ERCC6L2: variants seen among roughly 807,000 people sequenced by gnomAD.
ERCC6L2 encodes ERCC excision repair 6 like 2.
A neutral mutation model predicts 132.0 loss-of-function variants in ERCC6L2; 77 were observed. The ratio of observed to expected loss-of-function variants is 0.58; its 90% CI spans 0.49 to 0.71. The LOEUF (loss-of-function observed/expected upper bound fraction) is 0.71. Among genes scored for constraint, ERCC6L2 ranks in the 30% least tolerant of loss-of-function variants. ERCC6L2 has a pLI of 0.00. For missense variants in ERCC6L2, 1,542 were observed against 1,837.6 expected (o/e 0.84, Z 2.94); for synonymous variants, 583 against 632.4 (o/e 0.92, Z 1.17).
At position 96,004,534 on chromosome 9, in the gene ERCC6L2, AGTG is replaced by A. The variant is rs1184409839; in HGVS notation, c.3509_3511del (p.Val1170del). 1 of 1,304,044 alleles carries A rather than the reference AGTG, an allele frequency of 7.7e-7. No homozygotes were observed. Among genetic ancestry groups the A allele is most frequent in the Non-Finnish European group, 1.0e-6 (1 of 988,674 alleles). The allele number at this position is 1,304,044 out of a possible 1,614,324, so 80.8% of individuals were successfully genotyped here. ...CTTTTTTTCAGACATATAAAGAAAA[AGTG>A]GATGCAGATACATTGCCACACACAA... On this transcript the variant is annotated inframe_deletion, in exon 18 of 19. Transcript: ENST00000653738.
At chr9:95,923,119 T>C in intron 8 of ERCC6L2, 141 bp from the exon 9 acceptor site, 6 of 904,998 alleles carry the variant, frequency 6.6e-6, no homozygotes, top group Non-Finnish European at 8.0e-6. Flanking sequence ...GTTTTTGAAT[T>C]CTTAGTCTGA....
chr9:96,013,029 C>T lies in ERCC6L2; in HGVS notation c.4479C>T (p.Leu1493=). The T allele has an allele frequency of 7.3e-7, 1 of 1,367,584 alleles. No individual in the cohort carries two copies. Among genetic ancestry groups the T allele is most frequent in the Non-Finnish European group, 9.8e-7 (1 of 1,021,804 alleles). 84.7% of individuals were successfully genotyped at this position (1,367,584 alleles called of 1,614,324 possible). Residue 1493 remains leucine (L), a synonymous_variant, in exon 19 of 19, where the codon CTC becomes CTT. Coordinates refer to ENST00000653738, the MANE Select transcript of ERCC6L2 (RefSeq NM_020207.7). The part of the protein sequence containing the change: ...NEQNDESLSK[L]TDLAVIETLC... Reference sequence around the variant, plus strand: ...AGAATGATGAGAGTCTTAGTAAACTCACAGACTTGGCAGTAATAGAGACTC... The same window carrying T: ...AGAATGATGAGAGTCTTAGTAAACTTACAGACTTGGCAGTAATAGAGACTC...
At chr9:95,981,339 T>G (rs749281673) in intron 17 of ERCC6L2, among the ~76,000 whole-genome samples, 1 of 152,194 alleles carries the variant, frequency 6.6e-6, no homozygotes, top group African/African-American at 2.4e-5. Context: ...AATTCAACCA[T>G]GTATCTTAAA....
chr9:95,961,869 A>G (rs976209687), intron 13 of ERCC6L2, among the ~76,000 whole-genome samples: 6 of 152,152 alleles, frequency 3.9e-5, no homozygotes, highest in Non-Finnish European at 5.9e-5. Flanking sequence ...GAGGCAGGCA[A>G]AGAGAATGAG....
Position 96,013,009 on chromosome 9 carries a change from G to T in ERCC6L2, c.4459G>T (p.Asp1487Tyr), listed in dbSNP as rs1230768937. The T allele has an allele frequency of 7.3e-7, 1 of 1,367,586 alleles. No homozygotes were observed. The highest frequency in any genetic ancestry group is 9.8e-7 in the Non-Finnish European group (1 of 1,021,804). 84.7% of individuals were successfully genotyped at this position (1,367,586 alleles called of 1,614,324 possible). A position where few individuals can be genotyped will look rare whatever the true frequency, so the allele number is the denominator to read the frequency against. Residue 1487 changes from aspartate to tyrosine, a missense_variant, in exon 19 of 19, where the codon GAT becomes TAT. Asp to Tyr is a radical substitution (Grantham distance 160). Coordinates refer to ENST00000653738, the MANE Select transcript of ERCC6L2 (RefSeq NM_020207.7). ...CTGGGACATCTTGAATGAGCAGAAT[G>T]ATGAGAGTCTTAGTAAACTCACAGA... ...DFWDILNEQN[D>Y]ESLSKLTDLA...
At chr9:95,987,961 T>C (rs2133147421) in intron 17 of ERCC6L2, among the ~76,000 whole-genome samples, 1 of 152,342 alleles carries the variant, frequency 6.6e-6, no homozygotes, top group South Asian at 2.1e-4. Flanking sequence ...ACGTGGAAGC[T>C]GCCAAGGCTT....
At chr9:95,989,439 C>G (rs1272208282) in intron 17 of ERCC6L2, among the ~76,000 whole-genome samples, 1 of 152,224 alleles carries the variant, frequency 6.6e-6, no homozygotes, top group Non-Finnish European at 1.5e-5. Context: ...TGCCAGGAAG[C>G]TGGGACAAAG....
chr9:95,909,943 A>G (rs1053784348), intron 4 of ERCC6L2, among the ~76,000 whole-genome samples: 2 of 152,132 alleles, frequency 1.3e-5, no homozygotes, highest in African/African-American at 2.4e-5. Context: ...AACGTTTGGT[A>G]TTGTCAGTCT....
intron 9 of ERCC6L2, among the ~76,000 whole-genome samples, chr9:95,927,715 T>G (rs1042141948): frequency 6.6e-6 from 1 of 152,198 alleles, no homozygotes; most frequent in Admixed American, 6.5e-5. Context: ...AAAGGAATGC[T>G]GCTCTATAAT....
Position 95,978,060 on chromosome 9 carries a change from G to C in ERCC6L2, c.3338-1G>C. On this transcript the variant is annotated splice_acceptor_variant, in intron 16 of 18. Transcript: ENST00000653738. LOFTEE classifies it high-confidence loss of function. ...CTTAATAAACATAAATTACCTCCTA[G>C]ATGGCGTTCAGGAAGTGGCTTATAT... 2.9e-6 allele frequency: 4 copies of C among 1,363,338 alleles called. No individual in the cohort carries two copies. Among genetic ancestry groups the C allele is most frequent in the Non-Finnish European group, 3.9e-6 (4 of 1,020,092 alleles). 84.5% of individuals were successfully genotyped at this position (1,363,338 alleles called of 1,614,324 possible). A position where few individuals can be genotyped will look rare whatever the true frequency, so the allele number is the denominator to read the frequency against.
At chr9:96,019,644 T>TA (rs1834250139), downstream of ERCC6L2, 1 of 152,500 alleles carries the variant, frequency 6.6e-6, no homozygotes, top group Non-Finnish European at 1.5e-5. Context: ...TGGGACCTCC[T>TA]AACTCCCTCA....
intron 17 of ERCC6L2, among the ~76,000 whole-genome samples, chr9:95,985,160 T>C (rs1384259001): frequency 1.3e-5 from 2 of 152,210 alleles, no homozygotes; most frequent in Non-Finnish European, 2.9e-5. Flanking sequence ...GTCATCACTG[T>C]AGATGTGGTA....
At chr9:95,906,285 C>T (rs572397458) in intron 3 of ERCC6L2, among the ~76,000 whole-genome samples, 8 of 152,120 alleles carry the variant, frequency 5.3e-5, no homozygotes, top group Non-Finnish European at 8.8e-5. Context: ...TTTTGTTTTT[C>T]GGATTTTTTT....
chr9:95,977,576 A>T (rs1338060650), intron 16 of ERCC6L2, among the ~76,000 whole-genome samples: 1 of 152,184 alleles, frequency 6.6e-6, no homozygotes, highest in Admixed American at 6.5e-5. Context: ...CTCTGGGCAT[A>T]TGTACAAAAA....
chr9:95,981,439 A>G (rs1254007507), intron 17 of ERCC6L2, among the ~76,000 whole-genome samples: 1 of 152,206 alleles, frequency 6.6e-6, no homozygotes, highest in East Asian at 1.9e-4. Flanking sequence ...TATTTTATAA[A>G]TGTTCTGTCT....
At chr9:96,039,325 A>T (rs983177456) in intron 20 of ERCC6L2, among the ~76,000 whole-genome samples, 17 of 152,258 alleles carry the variant, frequency 1.1e-4, no homozygotes, top group African/African-American at 4.1e-4. Context: ...GTGGCTTGAG[A>T]AGAAAAGATT....
intron 17 of ERCC6L2, among the ~76,000 whole-genome samples, chr9:95,980,868 C>A (rs1397471423): frequency 6.6e-6 from 1 of 152,140 alleles, no homozygotes; most frequent in South Asian, 2.1e-4. Flanking sequence ...AAACCTCAGA[C>A]CTCCCACCGA....
chr9:95,892,579 C>T (rs1429079347), intron 2 of ERCC6L2, among the ~76,000 whole-genome samples: 1 of 151,914 alleles, frequency 6.6e-6, no homozygotes, highest in Non-Finnish European at 1.5e-5. Flanking sequence ...TGTGCCACCA[C>T]ACCCAGCTAA....
chr9:96,035,288 T>C (rs1443579753), intron 19 of ERCC6L2, among the ~76,000 whole-genome samples: 2 of 152,148 alleles, frequency 1.3e-5, no homozygotes, highest in African/African-American at 4.8e-5. Context: ...GGCTAGGGGC[T>C]GGGCCACTAG....
Sources: allele counts gnomAD v4.1 joint callset (sites outside exome capture counted in the v4.1 genomes callset), GRCh38; gene constraint gnomAD v4.1.1; transcripts MANE v1.5; gene names NCBI Gene and HGNC (gene_info 2026-07-23, HGNC 2026-07-21).